GPC3: variants seen among roughly 807,000 people sequenced by gnomAD.
The protein encoded by GPC3 is glypican-3.
In GPC3, 3 loss-of-function variants were observed where a neutral mutation model predicts 34.4. The observed-to-expected ratio is 0.09, with a 90% CI of 0.04 to 0.23. GPC3 has a LOEUF of 0.23. Ranked by LOEUF, GPC3 falls within the 10% of genes least tolerant of loss-of-function variation. The pLI is 1.00. For missense variants in GPC3, 351 were observed against 445.6 expected, an observed-to-expected ratio of 0.79 and a Z score of 1.91; for synonymous variants, 177 against 174.0, an observed-to-expected ratio of 1.02 and a Z score of -0.13.
At chrX:133,752,288 T>G (rs2071674309) in intron 3 of GPC3, among the ~76,000 whole-genome samples, 1 of 112,076 alleles carries the variant, frequency 8.9e-6, no homozygotes, top group Non-Finnish European at 1.9e-5. Context: ...ATGAATGTAT[T>G]AAACTATCAC....
chrX:133,863,800 C>T (rs1172589371), intron 2 of GPC3, among the ~76,000 whole-genome samples: 3 of 103,140 alleles, frequency 2.9e-5, no homozygotes, highest in African/African-American at 7.3e-5. Flanking sequence ...GGACTACAGG[C>T]GCCCGCCACC....
chrX:133,719,645 T>TA (rs774454225), intron 3 of GPC3, among the ~76,000 whole-genome samples: 3 of 109,295 alleles, frequency 2.7e-5, no homozygotes, highest in African/African-American at 3.3e-5. Flanking sequence ...AAATAAAAAA[T>TA]AAAAAAAAGG....
chrX:133,903,141 ACT>A (rs1395859015), intron 2 of GPC3, among the ~76,000 whole-genome samples: 1 of 101,031 alleles, frequency 9.9e-6, no homozygotes, highest in African/African-American at 4.1e-5. Flanking sequence ...ATAGAGTGAG[ACT>A]CTGTCTCAAA....
intron 3 of GPC3, among the ~76,000 whole-genome samples, chrX:133,731,763 C>T (rs1220490831): frequency 8.9e-6 from 1 of 112,556 alleles, no homozygotes; most frequent in East Asian, 2.8e-4. Flanking sequence ...CCTATTCTGC[C>T]TTGAAAAGAC....
chrX:133,648,475 A>C (rs141885529), intron 6 of GPC3, among the ~76,000 whole-genome samples: 1 of 111,363 alleles, frequency 9.0e-6, no homozygotes, highest in African/African-American at 3.3e-5. Context: ...TGTAAATGCT[A>C]TCACTTAACT....
intron 2 of GPC3, among the ~76,000 whole-genome samples, chrX:133,914,331 T>C (rs1383356326): frequency 1.8e-5 from 2 of 111,321 alleles, no homozygotes; most frequent in Non-Finnish European, 3.8e-5. Flanking sequence ...AATAGAGCTA[T>C]GAGGCTAGAT....
chrX:133,834,737 A>T (rs1331671216), intron 2 of GPC3, among the ~76,000 whole-genome samples: 1 of 111,914 alleles, frequency 8.9e-6, no homozygotes, highest in East Asian at 2.8e-4. Context: ...TACACACTCA[A>T]CCCTTATGTA....
chrX:133,755,523 A>G (rs2071719089), intron 2 of GPC3, among the ~76,000 whole-genome samples: 1 of 111,935 alleles, frequency 8.9e-6, no homozygotes, highest in Admixed American at 9.5e-5. Context: ...TGGGTTTCCA[A>G]GCTCACTTGA....
At chrX:133,783,723 A>G (rs1479068240) in intron 2 of GPC3, among the ~76,000 whole-genome samples, 1 of 112,117 alleles carries the variant, frequency 8.9e-6, no homozygotes. Context: ...GCAAAGAGAT[A>G]CTATTTTCAG....
Position 133,942,119 on chromosome X carries a change from C to A in GPC3, c.337+10931G>T, listed in dbSNP as rs185659586. Among the ~76,000 whole-genome samples, 29 of 111,438 alleles carry A rather than the reference C, an allele frequency of 2.6e-4. No homozygotes were observed. In the Admixed American group the frequency reaches 2.7e-3, roughly 10 times the overall value. On this transcript the variant is annotated intron_variant, in intron 2 of 7. Coordinates refer to ENST00000370818, the MANE Select transcript of GPC3 (RefSeq NM_004484.4). ...TGCCTGTATCAAAACATCTAATATACCCCATAAATATATACACCTACTATG... is the reference window on the plus strand; with the variant it reads ...TGCCTGTATCAAAACATCTAATATAACCCATAAATATATACACCTACTATG...
At chrX:133,768,208 G>T (rs754789093) in intron 2 of GPC3, among the ~76,000 whole-genome samples, 1 of 111,096 alleles carries the variant, frequency 9.0e-6, no homozygotes, top group African/African-American at 3.3e-5. Flanking sequence ...TATACGCAGA[G>T]GGGGAAGAGT....
chrX:133,942,064 A>C (rs999288227), intron 2 of GPC3, among the ~76,000 whole-genome samples: 1 of 111,795 alleles, frequency 8.9e-6, no homozygotes, highest in Non-Finnish European at 1.9e-5. Flanking sequence ...TACATTGCTA[A>C]TCTCCATGGT....
chrX:133,952,734 G>A (rs1416295365), intron 2 of GPC3, among the ~76,000 whole-genome samples: 1 of 112,350 alleles, frequency 8.9e-6, no homozygotes, highest in Admixed American at 9.4e-5. Context: ...CAGTATTTAA[G>A]GGAACTTTTT....
intron 2 of GPC3, among the ~76,000 whole-genome samples, chrX:133,899,867 A>G (rs2076136227): frequency 9.0e-6 from 1 of 111,486 alleles, no homozygotes; most frequent in South Asian, 3.8e-4. Flanking sequence ...CAGTGGCATG[A>G]TCTCGGCTCA....
intron 2 of GPC3, among the ~76,000 whole-genome samples, chrX:133,770,803 A>G (rs1003746870): frequency 8.9e-6 from 1 of 112,198 alleles, no homozygotes; most frequent in Non-Finnish European, 1.9e-5. Context: ...ATTCCAGATA[A>G]AAAGGGAAGA....
At chrX:133,720,132 A>G (rs902994316) in intron 3 of GPC3, among the ~76,000 whole-genome samples, 6 of 112,207 alleles carry the variant, frequency 5.3e-5, no homozygotes, top group African/African-American at 1.9e-4. Context: ...TACAGCCACT[A>G]TGGAAAACAG....
intron 6 of GPC3, among the ~76,000 whole-genome samples, chrX:133,623,731 C>T (rs1204510536): frequency 9.0e-6 from 1 of 111,247 alleles, no homozygotes; most frequent in Non-Finnish European, 1.9e-5. Context: ...CACCCCACTG[C>T]CAACATTAGA....
chrX:133,625,204 A>G (rs1293421907), intron 6 of GPC3, among the ~76,000 whole-genome samples: 3 of 111,974 alleles, frequency 2.7e-5, no homozygotes, highest in East Asian at 5.6e-4. Flanking sequence ...CCCACAGCCA[A>G]TATCATACTG....
intron 6 of GPC3, among the ~76,000 whole-genome samples, chrX:133,646,703 T>C (rs376130927): frequency 8.9e-6 from 1 of 111,925 alleles, no homozygotes; most frequent in Non-Finnish European, 1.9e-5. Context: ...ACAGACAAAG[T>C]AGGTTTCCCA....
Sources: allele counts gnomAD v4.1 joint callset (sites outside exome capture counted in the v4.1 genomes callset), GRCh38; gene constraint gnomAD v4.1.1; transcripts MANE v1.5; gene names NCBI Gene and HGNC (gene_info 2026-07-23, HGNC 2026-07-21).